Variants in OPCML observed in about 807,000 individuals in gnomAD.
OPCML encodes the protein opioid-binding protein/cell adhesion molecule.
In OPCML, 13 loss-of-function variants were observed where a neutral mutation model predicts 37.8. The observed-to-expected ratio is 0.34, with a 90% CI of 0.22 to 0.55. OPCML has a LOEUF of 0.55. OPCML is among the 20% of genes least tolerant of loss of function. The pLI, the probability that OPCML is intolerant of heterozygous loss-of-function variation, is 0.91. For missense variants in OPCML, 341 were observed against 435.6 expected (o/e 0.78, Z 1.93); for synonymous variants, 176 against 168.8 (o/e 1.04, Z -0.33).
At chr11:132,854,703 C>T (rs748934564) in intron 2 of OPCML, among the ~76,000 whole-genome samples, 2 of 152,200 alleles carry the variant, frequency 1.3e-5, no homozygotes, top group Non-Finnish European at 2.9e-5. Flanking sequence ...GCGGATATGC[C>T]GCATTTTGAT....
chr11:133,438,812 C>T (rs899776837), intron 1 of OPCML, among the ~76,000 whole-genome samples: 1 of 152,080 alleles, frequency 6.6e-6, no homozygotes, highest in Non-Finnish European at 1.5e-5. Flanking sequence ...CAACGGTCAA[C>T]GATTTAATAC....
At chr11:132,994,205 G>C (rs190371562) in intron 1 of OPCML, among the ~76,000 whole-genome samples, 1 of 152,116 alleles carries the variant, frequency 6.6e-6, no homozygotes, top group East Asian at 2.0e-4. Context: ...TCCCCGCGCC[G>C]CAGCGGCTGG....
At chr11:132,781,148 G>A (rs547496237) in intron 2 of OPCML, among the ~76,000 whole-genome samples, 1 of 152,222 alleles carries the variant, frequency 6.6e-6, no homozygotes, top group Admixed American at 6.5e-5. Context: ...AAGCTAATGA[G>A]GCCACAGCGT....
intron 1 of OPCML, among the ~76,000 whole-genome samples, chr11:133,051,049 G>A (rs960943665): frequency 5.1e-5 from 6 of 116,702 alleles, no homozygotes; most frequent in Admixed American, 9.1e-5. Context: ...CCTCCTCCAT[G>A]TGTGTACATA....
rs532698103 is a variant in OPCML at position 133,397,688 on chromosome 11, G to A, written c.61+134576C>T. Among the ~76,000 whole-genome samples, 8 of 152,346 alleles carry A rather than the reference G, an allele frequency of 5.3e-5. No homozygotes were observed. The East Asian group carries it at 9.6e-4, about 18-fold the overall frequency. ...CAGAAAGCACACAAATTCATCAGCC[G>A]AGACAGCATTTTCCTTGGAACCAAA... is the stretch of plus-strand genomic sequence containing the variant. On this transcript the variant is annotated intron_variant, in intron 1 of 7. Coordinates refer to ENST00000524381, the MANE Select transcript of OPCML (RefSeq NM_001012393.5).
chr11:133,516,611 G>C (rs1263303831), intron 1 of OPCML, among the ~76,000 whole-genome samples: 1 of 152,060 alleles, frequency 6.6e-6, no homozygotes, highest in Non-Finnish European at 1.5e-5. Flanking sequence ...CTCCTCAGGG[G>C]CAAGGGTGCT....
At chr11:133,523,144 G>C (rs1485837595) in intron 1 of OPCML, among the ~76,000 whole-genome samples, 1 of 152,146 alleles carries the variant, frequency 6.6e-6, no homozygotes, top group African/African-American at 2.4e-5. Context: ...TAGAGAAACC[G>C]AGTTATTCAA....
chr11:132,619,969 G>A (rs575675934), intron 3 of OPCML, among the ~76,000 whole-genome samples: 1 of 151,872 alleles, frequency 6.6e-6, no homozygotes, highest in South Asian at 2.1e-4. Flanking sequence ...AATCTATTTA[G>A]CATGTCACCT....
At chr11:133,062,623 T>C (rs1948367626) in intron 1 of OPCML, among the ~76,000 whole-genome samples, 1 of 152,180 alleles carries the variant, frequency 6.6e-6, no homozygotes, top group Non-Finnish European at 1.5e-5. Flanking sequence ...ACAGATGAGA[T>C]CTTCTGAGCC....
At chr11:132,769,749 G>A (rs1946575910) in intron 2 of OPCML, among the ~76,000 whole-genome samples, 1 of 152,114 alleles carries the variant, frequency 6.6e-6, no homozygotes, top group African/African-American at 2.4e-5. Context: ...AAAGGTCGAA[G>A]CACCGGACCC....
chr11:133,171,811 C>G (rs1950292241), intron 1 of OPCML, among the ~76,000 whole-genome samples: 1 of 152,204 alleles, frequency 6.6e-6, no homozygotes, highest in African/African-American at 2.4e-5. Flanking sequence ...AGAATCATTG[C>G]TCTTTTCCCA....
At chr11:132,780,959 T>C (rs1946986768) in intron 2 of OPCML, among the ~76,000 whole-genome samples, 1 of 152,170 alleles carries the variant, frequency 6.6e-6, no homozygotes. Flanking sequence ...ATAGCAATTT[T>C]CCCTATTTAT....
intron 1 of OPCML, among the ~76,000 whole-genome samples, chr11:133,108,711 G>A (rs759573619): frequency 6.6e-6 from 1 of 152,000 alleles, no homozygotes; most frequent in Non-Finnish European, 1.5e-5. Context: ...TACCACACTT[G>A]CTGGGTTTTA....
At chr11:133,449,047 G>C (rs960641222) in intron 1 of OPCML, among the ~76,000 whole-genome samples, 1 of 152,164 alleles carries the variant, frequency 6.6e-6, no homozygotes, top group Admixed American at 6.5e-5. Flanking sequence ...TTATTATTAT[G>C]CACAATCCAT....
intron 3 of OPCML, among the ~76,000 whole-genome samples, chr11:132,556,825 G>T (rs982854185): frequency 6.6e-6 from 1 of 152,096 alleles, no homozygotes; most frequent in Non-Finnish European, 1.5e-5. Context: ...ACCAAGTACT[G>T]CAGGAAAAGA....
intron 4 of OPCML, among the ~76,000 whole-genome samples, chr11:132,468,331 C>G (rs2136944005): frequency 6.6e-6 from 1 of 152,314 alleles, no homozygotes; most frequent in Admixed American, 6.5e-5. Context: ...TCCATACCCC[C>G]ATCCTTTCTC....
At chr11:132,909,605 A>G (rs946944400) in intron 2 of OPCML, among the ~76,000 whole-genome samples, 2 of 152,186 alleles carry the variant, frequency 1.3e-5, no homozygotes, top group South Asian at 4.1e-4. Flanking sequence ...CGTTGTGGAG[A>G]GGGAGGGTGA....
At chr11:132,975,572 A>C (rs1410422009) in intron 1 of OPCML, among the ~76,000 whole-genome samples, 5 of 113,216 alleles carry the variant, frequency 4.4e-5, no homozygotes, top group African/African-American at 1.3e-4. Flanking sequence ...AAAAAAAAAA[A>C]AAAAAAAAAA....
intron 2 of OPCML, among the ~76,000 whole-genome samples, chr11:132,762,630 A>T (rs1946303220): frequency 6.6e-6 from 1 of 152,154 alleles, no homozygotes; most frequent in South Asian, 2.1e-4. Context: ...AAAACCACCT[A>T]TTCAAGCCTC....
Sources: gnomAD v4.1 joint callset for allele counts (sites outside exome capture counted in the v4.1 genomes callset) on GRCh38, gnomAD v4.1.1 for gene constraint, MANE v1.5 for transcripts, NCBI Gene and HGNC (gene_info 2026-07-23, HGNC 2026-07-21) for gene names.